The following IL1RAPL1 variants were observed in gnomAD, a reference collection of about 807,000 sequenced individuals.
IL1RAPL1 encodes the protein interleukin-1 receptor accessory protein-like 1.
In IL1RAPL1, 3 loss-of-function variants were observed where a neutral mutation model predicts 48.4. That is an observed-to-expected ratio of 0.06 (90% CI 0.03 to 0.16). IL1RAPL1 has a LOEUF of 0.16. IL1RAPL1 is among the 10% of genes least tolerant of loss of function. The pLI is 1.00. For missense variants in IL1RAPL1, 349 were observed against 530.6 expected, an observed-to-expected ratio of 0.66 and a Z score of 3.36; for synonymous variants, 185 against 187.7, an observed-to-expected ratio of 0.99 and a Z score of 0.12.
chrX:29,199,442 T>C (rs1930510788), intron 2 of IL1RAPL1, among the ~76,000 whole-genome samples: 1 of 111,728 alleles, frequency 9.0e-6, no homozygotes, highest in Admixed American at 9.6e-5. Flanking sequence ...TAATAAAGTA[T>C]ACTGTAGATG....
At chrX:28,741,065 T>G (rs1200092361) in intron 1 of IL1RAPL1, among the ~76,000 whole-genome samples, 7 of 111,777 alleles carry the variant, frequency 6.3e-5, no homozygotes, top group African/African-American at 2.3e-4. Context: ...CATACAGTAA[T>G]GAGATTGCTG....
intron 1 of IL1RAPL1, among the ~76,000 whole-genome samples, chrX:28,635,781 G>T (rs747154315): frequency 8.9e-6 from 1 of 111,749 alleles, no homozygotes; most frequent in South Asian, 3.7e-4. Flanking sequence ...TTACCCCATC[G>T]TAACTTTATC....
At chrX:29,295,722 T>C (rs183027448) in intron 3 of IL1RAPL1, among the ~76,000 whole-genome samples, 1 of 111,701 alleles carries the variant, frequency 9.0e-6, no homozygotes, top group African/African-American at 3.3e-5. Flanking sequence ...GGGTATGGTC[T>C]TCATCCTTAT....
At chrX:28,835,809 A>G (rs1408222940) in intron 2 of IL1RAPL1, among the ~76,000 whole-genome samples, 3 of 111,351 alleles carry the variant, frequency 2.7e-5, no homozygotes, top group Non-Finnish European at 5.7e-5. Flanking sequence ...TATAAAGTTC[A>G]TTTATACTTT....
chrX:29,331,415 T>C, intron 3 of IL1RAPL1, among the ~76,000 whole-genome samples: 1 of 111,057 alleles, frequency 9.0e-6, no homozygotes. Flanking sequence ...AGGAATCTCA[T>C]AGAAGACCCC....
intron 3 of IL1RAPL1, among the ~76,000 whole-genome samples, chrX:29,346,599 A>G (rs1933152996): frequency 8.9e-6 from 1 of 112,821 alleles, no homozygotes; most frequent in African/African-American, 3.2e-5. Flanking sequence ...AGGTAGAACA[A>G]TGCCTGAGCA....
chrX:29,169,305 G>A (rs992226851), intron 2 of IL1RAPL1, among the ~76,000 whole-genome samples: 1 of 109,336 alleles, frequency 9.1e-6, no homozygotes, highest in Non-Finnish European at 1.9e-5. Flanking sequence ...AATTCTTTAG[G>A]CATTGCCTTA....
chrX:28,657,541 G>T (rs1345967368), intron 1 of IL1RAPL1, among the ~76,000 whole-genome samples: 1 of 112,489 alleles, frequency 8.9e-6, no homozygotes, highest in Non-Finnish European at 1.9e-5. Flanking sequence ...TTTGATTAAA[G>T]AAGTATTAAA....
In IL1RAPL1 at chrX:28,602,152, A is replaced by C. The variant is rs1183608677; in HGVS notation, c.-25+14105A>C. Among the ~76,000 whole-genome samples the C allele has an allele frequency of 2.7e-5, 3 of 110,902 alleles. No individual in the cohort carries two copies. In the Admixed American group the frequency reaches 2.9e-4, roughly 11 times the overall value. ...GGTTCATGGTATTTTTAAAAGACCA[A>C]GAATTCAATCAAGGTGACACTCCTT... On this transcript the variant is annotated intron_variant, in intron 1 of 10. Transcript: ENST00000378993.
At chrX:28,957,643 A>T (rs1033806642) in intron 2 of IL1RAPL1, among the ~76,000 whole-genome samples, 23 of 109,820 alleles carry the variant, frequency 2.1e-4, no homozygotes, top group African/African-American at 7.6e-4. Context: ...TCACTTGTAG[A>T]ACGGGATTTA....
chrX:29,546,091 T>C (rs898899331), intron 5 of IL1RAPL1, among the ~76,000 whole-genome samples: 2 of 111,662 alleles, frequency 1.8e-5, no homozygotes, highest in African/African-American at 6.5e-5. Context: ...TATCCTCCAA[T>C]GTGCAGGACA....
intron 1 of IL1RAPL1, among the ~76,000 whole-genome samples, chrX:28,705,370 A>G (rs1935362709): frequency 8.9e-6 from 1 of 112,090 alleles, no homozygotes; most frequent in Admixed American, 9.5e-5. Context: ...CCTTAAAAAC[A>G]TTTAAAATTG....
Position 29,941,866 on chromosome X carries a change from GA to G in IL1RAPL1, c.1201+79del, listed in dbSNP as rs201443780. 3,129 of 997,936 alleles carry G rather than the reference GA, an allele frequency of 3.1e-3. 57 individuals carry two copies. In the African/African-American group the frequency reaches 0.051, roughly 16 times the overall value. The allele number at this position is 997,936 out of a possible 1,213,427, so 82.2% of individuals were successfully genotyped here. On this transcript the variant is annotated intron_variant, in intron 9 of 10. Coordinates refer to ENST00000378993, the MANE Select transcript of IL1RAPL1 (RefSeq NM_014271.4). ...TTTCTTGTCTTTGTTTTATTAAGGG[GA>G]AAAAAATTACGTGCATAATCAATGG... is the stretch of plus-strand genomic sequence containing the variant.
chrX:28,676,879 G>A (rs947475163), intron 1 of IL1RAPL1, among the ~76,000 whole-genome samples: 2 of 111,157 alleles, frequency 1.8e-5, no homozygotes, highest in Admixed American at 9.6e-5. Flanking sequence ...TCTCTTATAC[G>A]TAGTGACAGA....
intron 2 of IL1RAPL1, among the ~76,000 whole-genome samples, chrX:29,221,320 A>G (rs763560166): frequency 8.9e-6 from 1 of 111,855 alleles, no homozygotes; most frequent in East Asian, 2.8e-4. Flanking sequence ...CTGCAATTTT[A>G]TGATGAAACT....
intron 2 of IL1RAPL1, among the ~76,000 whole-genome samples, chrX:29,006,713 T>A (rs1259795513): frequency 9.7e-6 from 1 of 103,096 alleles, no homozygotes. Flanking sequence ...ATTCCTCAAA[T>A]TTCCCAACTC....
intron 2 of IL1RAPL1, among the ~76,000 whole-genome samples, chrX:28,960,128 C>T (rs953151986): frequency 9.0e-6 from 1 of 111,617 alleles, no homozygotes; most frequent in Non-Finnish European, 1.9e-5. Context: ...GGATGAGGCA[C>T]GTGTATACCT....
chrX:28,951,966 G>A (rs1037920478), intron 2 of IL1RAPL1, among the ~76,000 whole-genome samples: 1 of 110,728 alleles, frequency 9.0e-6, no homozygotes, highest in African/African-American at 3.3e-5. Context: ...GGATAAAATT[G>A]GCATCAGGGA....
intron 6 of IL1RAPL1, among the ~76,000 whole-genome samples, chrX:29,888,317 G>A (rs1286921627): frequency 4.6e-5 from 5 of 108,476 alleles, no homozygotes; most frequent in African/African-American, 1.7e-4. Flanking sequence ...TCTGCCTCCC[G>A]GGTTCAAGCA....
Sources: gnomAD v4.1 joint callset for allele counts (sites outside exome capture counted in the v4.1 genomes callset) on GRCh38, gnomAD v4.1.1 for gene constraint, MANE v1.5 for transcripts, NCBI Gene and HGNC (gene_info 2026-07-23, HGNC 2026-07-21) for gene names.